The following COL5A1 variants were observed in gnomAD, a reference collection of about 807,000 sequenced individuals.
COL5A1 encodes collagen alpha-1(V) chain.
A neutral mutation model predicts 263.7 loss-of-function variants in COL5A1; 16 were observed. That is an observed-to-expected ratio of 0.06 (90% CI 0.04 to 0.09). The LOEUF is 0.09. Ranked by LOEUF, COL5A1 falls within the 10% of genes least tolerant of loss-of-function variation. COL5A1 has a pLI of 1.00. For missense variants in COL5A1, 2,036 were observed against 2,540.5 expected, an observed-to-expected ratio of 0.80 and a Z score of 4.27; for synonymous variants, 1,012 against 1,004.5, an observed-to-expected ratio of 1.01 and a Z score of -0.14.
intron 14 of COL5A1, among the ~76,000 whole-genome samples, chr9:134,753,185 G>A (rs1410507516): frequency 2.6e-5 from 4 of 152,212 alleles, no homozygotes; most frequent in Non-Finnish European, 5.9e-5. Flanking sequence ...ATAACTAAGT[G>A]TGGGGCAGAA....
chr9:134,654,790 G>A (rs960768832), intron 1 of COL5A1, among the ~76,000 whole-genome samples: 1 of 136,722 alleles, frequency 7.3e-6, no homozygotes, highest in African/African-American at 2.8e-5. Context: ...GCTGGGGTGT[G>A]TAGACCTCGT....
Position 134,811,351 on chromosome 9 carries a change from C to G in COL5A1, c.3541C>G (p.Pro1181Ala), listed in dbSNP as rs1356767839. The G allele has an allele frequency of 1.2e-6, 2 of 1,614,014 alleles. No individual in the cohort carries two copies. The highest frequency in any genetic ancestry group is 1.3e-5 in the African/African-American group (1 of 74,922). Residue 1181 changes from proline (P) to alanine (A), a missense_variant, in exon 45 of 66, where the codon CCT becomes GCT. Transcript: ENST00000371817. Reference protein sequence around the residue: ...GDKGEQGPPGPTGPQGPIGQP... With the variant: ...GDKGEQGPPGATGPQGPIGQP... ...TTGTTCCCCGCAGGGTCCTCCTGGG[C>G]CTACAGGTCCTCAAGGCCCCATCGG...
Position 134,681,492 on chromosome 9 carries a change from G to A in COL5A1, c.110-9420G>A, listed in dbSNP as rs903151049. Among the ~76,000 whole-genome samples, 2 of 152,330 alleles carry A rather than the reference G, an allele frequency of 1.3e-5. No individual in the cohort carries two copies. Among genetic ancestry groups the A allele is most frequent in the East Asian group, 1.9e-4 (1 of 5,178 alleles). On this transcript the variant is annotated intron_variant, in intron 1 of 65. Transcript: ENST00000371817. The surrounding 1 kb of genome is among the most constrained non-coding windows in gnomAD (Gnocchi z 4.3). ...GATATGGTTCCAGTGATGGGGCCAC[G>A]GGTGGGACCGGAATGGAGGCTGCCA...
intron 28 of COL5A1, among the ~76,000 whole-genome samples, chr9:134,781,198 T>C (rs986691163): frequency 2.6e-5 from 4 of 152,242 alleles, no homozygotes; most frequent in African/African-American, 9.6e-5. Context: ...GGAACGCTCT[T>C]GTTCCACGGA....
At chr9:134,668,621 A>G (rs1201134263) in intron 1 of COL5A1, among the ~76,000 whole-genome samples, 1 of 151,898 alleles carries the variant, frequency 6.6e-6, no homozygotes, top group African/African-American at 2.4e-5. Flanking sequence ...CCATATATCC[A>G]TGTATATACC....
At chr9:134,648,787 A>G (rs976551197) in intron 1 of COL5A1, among the ~76,000 whole-genome samples, 1 of 152,178 alleles carries the variant, frequency 6.6e-6, no homozygotes, top group African/African-American at 2.4e-5. Context: ...AAGGTAAGGC[A>G]GTAAGCACCA....
chr9:134,822,569 C>T (rs867633980), intron 59 of COL5A1, among the ~76,000 whole-genome samples: 10 of 152,232 alleles, frequency 6.6e-5, no homozygotes, highest in African/African-American at 2.4e-4. Flanking sequence ...CCCAGCATTC[C>T]CAGGGCATCC....
rs1235813955 is a variant in COL5A1 at position 134,680,493 on chromosome 9, C to T, written c.110-10419C>T. ...CCTCCATGACCCATGGCTGAGGACA[C>T]CAACCTGGTCCCCGCTGTGGAGGGC... On this transcript the variant is annotated intron_variant, in intron 1 of 65. Coordinates refer to ENST00000371817, the MANE Select transcript of COL5A1 (RefSeq NM_000093.5). The surrounding 1 kb of genome is among the most constrained non-coding windows in gnomAD (Gnocchi z 5.9). Among the ~76,000 whole-genome samples the T allele has an allele frequency of 6.6e-6, 1 of 152,216 alleles. No homozygotes were observed. Among genetic ancestry groups the T allele is most frequent in the East Asian group, 1.9e-4 (1 of 5,192 alleles).
chr9:134,769,261 T>A (rs1677091833), intron 25 of COL5A1, among the ~76,000 whole-genome samples: 1 of 152,238 alleles, frequency 6.6e-6, no homozygotes, highest in African/African-American at 2.4e-5. Flanking sequence ...ACAGCATCCC[T>A]CAGGCCGAGT....
chr9:134,789,017 T>C lies in COL5A1; in HGVS notation c.2647-138T>C. On this transcript the variant is annotated intron_variant, in intron 31 of 65. Coordinates refer to ENST00000371817, the MANE Select transcript of COL5A1 (RefSeq NM_000093.5). The surrounding 1 kb of genome is among the most constrained non-coding windows in gnomAD (Gnocchi z 4.8). ...GTGAGAAGGTAGGTAGACAGGTAGG[T>C]GGGTGGTTGGGTGGGTGGGCAGGTG... The C allele has an allele frequency of 1.7e-6, 1 of 602,360 alleles. No homozygotes were observed. The allele number at this position is 602,360 out of a possible 1,614,324, so 37.3% of individuals were successfully genotyped here.
chr9:134,746,037 C>T (rs914522217), intron 11 of COL5A1, among the ~76,000 whole-genome samples: 1 of 152,210 alleles, frequency 6.6e-6, no homozygotes, highest in African/African-American at 2.4e-5. Flanking sequence ...AAGATCCTCA[C>T]TCCCATCCTC....
chr9:134,685,194 GTCCA>G (rs1167642715), intron 1 of COL5A1, among the ~76,000 whole-genome samples: 939 of 5,528 alleles, frequency 0.17, 3 homozygotes, highest in Non-Finnish European at 0.24. Flanking sequence ...CCTTCCATCT[GTCCA>G]TCCATCCATC....
chr9:134,826,708 GGGGTGTGTGGGTGGTGTGT>G (rs1395053715), intron 63 of COL5A1, among the ~76,000 whole-genome samples: 1 of 58,832 alleles, frequency 1.7e-5, no homozygotes, highest in Non-Finnish European at 3.2e-5. Context: ...CTGGTATGTG[GGGGTGTGTGGGTGGTGTGT>G]GGGTGTGTAC....
chr9:134,817,241 C>T (rs79839026), intron 53 of COL5A1, among the ~76,000 whole-genome samples, 162 bp downstream of exon 53: 1 of 152,204 alleles, frequency 6.6e-6, no homozygotes, highest in Non-Finnish European at 1.5e-5. Flanking sequence ...ACATCATCAC[C>T]TAATCACAGG....
chr9:134,718,817 A>G lies in COL5A1; in HGVS notation c.655-8449A>G, dbSNP rs893696843. 1.1e-4 allele frequency among the ~76,000 whole-genome samples: 16 copies of G among 152,084 alleles called. 1 individual carries two copies. The highest frequency in any genetic ancestry group is 3.9e-4 in the African/African-American group (16 of 41,406). ...AGTGGCGCTGCCTCTCAGACCCTCC[A>G]TTGCTGCATCTGTGAAATGGGGATG... On this transcript the variant is annotated intron_variant, in intron 4 of 65. Coordinates refer to ENST00000371817, the MANE Select transcript of COL5A1 (RefSeq NM_000093.5).
In COL5A1 at chr9:134,686,009, C is replaced by T. The variant is rs1702799168; in HGVS notation, c.110-4903C>T. On this transcript the variant is annotated intron_variant, in intron 1 of 65. Coordinates refer to ENST00000371817, the MANE Select transcript of COL5A1 (RefSeq NM_000093.5). This position sits in a 1 kb window ranked among gnomAD's most constrained non-coding sequence, Gnocchi z 4.6. ...CCATCCACCCACCCATCCATCCATT[C>T]ATCCATCCATCCATTCATCCATCTA... Among the ~76,000 whole-genome samples, 2 of 152,176 alleles carry T rather than the reference C, an allele frequency of 1.3e-5. No individual in the cohort carries two copies. The highest frequency in any genetic ancestry group is 2.9e-5 in the Non-Finnish European group (2 of 68,028).
rs1185617765 is a variant in COL5A1 at position 134,766,933 on chromosome 9, A to G, written c.2134-67A>G. 1.6e-5 allele frequency: 23 copies of G among 1,465,866 alleles called. No individual in the cohort carries two copies. The East Asian group carries it at 2.8e-4, about 18-fold the overall frequency. 90.8% of individuals were successfully genotyped at this position (1,465,866 alleles called of 1,614,324 possible). The stretch of plus-strand genomic sequence containing the variant: ...GGATGGGAGGCCAGTGAGGGGGCAC[A>G]CGACACCCAGGAAGGGGATACAGTT... On this transcript the variant is annotated intron_variant, in intron 22 of 65. Coordinates refer to ENST00000371817, the MANE Select transcript of COL5A1 (RefSeq NM_000093.5).
intron 61 of COL5A1, 75 bp downstream of exon 61, chr9:134,823,544 G>A: frequency 6.7e-7 from 1 of 1,490,224 alleles, no homozygotes; most frequent in Non-Finnish European, 9.4e-7. Flanking sequence ...AAGCAACTGT[G>A]TGTGTGTGAC....
chr9:134,715,590 G>T (rs1402099218), intron 4 of COL5A1, among the ~76,000 whole-genome samples: 1 of 152,168 alleles, frequency 6.6e-6, no homozygotes, highest in Non-Finnish European at 1.5e-5. Flanking sequence ...AGGTCCCCGC[G>T]GCCTTCTGCA....
Sources: allele counts gnomAD v4.1 joint callset (sites outside exome capture counted in the v4.1 genomes callset), GRCh38; gene constraint gnomAD v4.1.1; non-coding constraint Gnocchi (gnomAD v3.1); transcripts MANE v1.5; gene names NCBI Gene and HGNC (gene_info 2026-07-23, HGNC 2026-07-21).